The following ZAP70 variants were observed in gnomAD, a reference collection of about 807,000 sequenced individuals.
ZAP70 encodes tyrosine-protein kinase ZAP-70.
ZAP70 carries 27 observed loss-of-function variants against 65.8 expected under a neutral mutation model. The ratio of observed to expected loss-of-function variants is 0.41; its 90% confidence interval spans 0.30 to 0.57. ZAP70 has a LOEUF of 0.57. ZAP70 is among the 20% of genes least tolerant of loss of function. The probability of loss-of-function intolerance (pLI) is 0.28; values close to 1 mark genes in which losing one functional copy is unlikely to be tolerated. For missense variants in ZAP70, 696 were observed against 870.5 expected (o/e 0.80, Z 2.52); for synonymous variants, 363 against 360.8 (o/e 1.01, Z -0.07).
chr2:97,753,283 TTC>T, the ZAP70 span, among the ~76,000 whole-genome samples: 3 of 152,220 alleles, frequency 2.0e-5, no homozygotes, highest in African/African-American at 7.2e-5. Flanking sequence ...TCCCTCTTTC[TTC>T]TCTTACACAA....
intron 2 of ZAP70, among the ~76,000 whole-genome samples, chr2:97,717,411 TGAGCCTCTGGCTGGGGTGACATGTG>T (rs1208522591): frequency 1.5e-5 from 2 of 135,352 alleles, no homozygotes; most frequent in Non-Finnish European, 3.1e-5. Context: ...GCGGAGCCTC[TGAGCCTCTGGCTGGGGTGACATGTG>T]GAGCCTCTGG....
In ZAP70 at chr2:97,739,409, C is replaced by T; in HGVS notation, c.1771C>T (p.Gln591Ter). 6.2e-7 allele frequency: 1 copy of T among 1,613,620 alleles called. No homozygotes were observed. Among genetic ancestry groups the T allele is most frequent in the Non-Finnish European group, 8.5e-7 (1 of 1,179,920 alleles). ...TCGCCCCGACTTCCTGACCGTGGAG[C>T]AGCGCATGCGAGCCTGTTACTACAG... ...EDRPDFLTVE[Q>*]RMRACYYSLA... is the part of the protein sequence containing the mutation. Residue 591 changes from glutamine to a stop codon, truncating the protein, a stop_gained, in exon 14 of 14, where the codon CAG becomes TAG. Transcript: ENST00000264972. LOFTEE classifies it low-confidence loss of function (END_TRUNC).
rs78929477 is a variant in ZAP70 at position 97,719,561 on chromosome 2, G to T, written c.-21-4455G>T. On this transcript the variant is annotated intron_variant, in intron 2 of 13. Transcript: ENST00000264972. ...AGTGCTGGAGAACAGCCTGGGGGGGGGGCGCAGACCAGGTCTGGCTGAGAG... is the reference window on the plus strand; with the variant it reads ...AGTGCTGGAGAACAGCCTGGGGGGGTGGCGCAGACCAGGTCTGGCTGAGAG... 4.6e-4 allele frequency among the ~76,000 whole-genome samples: 69 copies of T among 149,296 alleles called. 1 individual carries two copies. Among genetic ancestry groups the T allele is most frequent in the African/African-American group, 1.4e-3 (58 of 40,738 alleles).
At chr2:97,753,549 G>T in the ZAP70 span, among the ~76,000 whole-genome samples, 1 of 152,112 alleles carries the variant, frequency 6.6e-6, no homozygotes, top group African/African-American at 2.4e-5. Flanking sequence ...TTTTAAATGA[G>T]ATTCTGATCC....
In ZAP70 at chr2:97,731,017, T is replaced by C. The variant is rs1677577903; in HGVS notation, c.564-1866T>C. On this transcript the variant is annotated intron_variant, in intron 4 of 13. Coordinates refer to ENST00000264972, the MANE Select transcript of ZAP70 (RefSeq NM_001079.4). The surrounding 1 kb of genome is among the most constrained non-coding windows in gnomAD (Gnocchi z 4.0). The stretch of plus-strand genomic sequence containing the variant: ...TTGCAGTGAGCCGAGATCACGCCAC[T>C]GCACTCCAGCCCGGGCTGTGGAGCG... Among the ~76,000 whole-genome samples the C allele has an allele frequency of 7.2e-6, 1 of 139,600 alleles. No individual in the cohort carries two copies. The highest frequency in any genetic ancestry group is 1.5e-5 in the Non-Finnish European group (1 of 66,562). The allele number at this position is 139,600 out of a possible 152,430, so 91.6% of individuals were successfully genotyped here.
chr2:97,723,954 G>A, intron 2 of ZAP70, 62 bp from the exon 3 acceptor site: 1 of 1,520,608 alleles, frequency 6.6e-7, no homozygotes, highest in East Asian at 2.5e-5. Context: ...CGCCGTCTTT[G>A]GGCCCAACGC....
chr2:97,725,225 C>T lies in ZAP70; in HGVS notation c.536C>T (p.Ser179Phe). Reference sequence around the variant, plus strand: ...GAGGAGGCCGAGCGCAAACTTTACTCTGGGGCGCAGACCGACGGCAAGTTC... The same window carrying T: ...GAGGAGGCCGAGCGCAAACTTTACTTTGGGGCGCAGACCGACGGCAAGTTC... ...TREEAERKLY[S>F]GAQTDGKFLL... Residue 179 changes from serine to phenylalanine, a missense_variant, in exon 4 of 14, where the codon TCT becomes TTT. This residue lies in a region of ZAP70 where 551 missense variants were observed against 630.0 expected (regional missense o/e 0.87). Coordinates refer to ENST00000264972, the MANE Select transcript of ZAP70 (RefSeq NM_001079.4). 1 of 1,614,044 alleles carries T rather than the reference C, an allele frequency of 6.2e-7. No homozygotes were observed. The highest frequency in any genetic ancestry group is 1.1e-5 in the South Asian group (1 of 91,082).
downstream of ZAP70, among the ~76,000 whole-genome samples, chr2:97,740,945 G>C (rs1230623578): frequency 6.6e-6 from 1 of 152,230 alleles, no homozygotes; most frequent in Non-Finnish European, 1.5e-5. Flanking sequence ...CGCCATCATG[G>C]AGGCTGCGAA....
intron 4 of ZAP70, among the ~76,000 whole-genome samples, chr2:97,726,139 T>A (rs1021980383): frequency 6.6e-6 from 1 of 151,806 alleles, no homozygotes; most frequent in Non-Finnish European, 1.5e-5. Context: ...ATAGGAAAAA[T>A]GCGGTAAATG....
rs748956300 is a variant in ZAP70, at chr2:97,724,390, G to A, written c.354G>A (p.Leu118=). ...CGCAGCCGGGGGTCTTCGACTGCCT[G>A]CGAGACGCCATGGTGCGTGACTACG... ...LEPQPGVFDC[L]RDAMVRDYVR... Residue 118 remains leucine (L), a synonymous_variant, in exon 3 of 14, where the codon CTG becomes CTA. Coordinates refer to ENST00000264972, the MANE Select transcript of ZAP70 (RefSeq NM_001079.4). 2 of 1,538,302 alleles carry A rather than the reference G, an allele frequency of 1.3e-6. No homozygotes were observed. The highest frequency in any genetic ancestry group is 1.8e-6 in the Non-Finnish European group (2 of 1,142,374).
chr2:97,724,601 G>A (rs1010883080), intron 3 of ZAP70, 163 bp downstream of exon 3: 1 of 1,534,094 alleles, frequency 6.5e-7, no homozygotes, highest in Non-Finnish European at 8.7e-7. Flanking sequence ...CTGAAAGGAG[G>A]CCTCAGAGGC....
downstream of ZAP70, among the ~76,000 whole-genome samples, chr2:97,742,492 T>C (rs1254341816): frequency 6.6e-6 from 1 of 152,238 alleles, no homozygotes; most frequent in African/African-American, 2.4e-5. Context: ...GCCAAGGGCG[T>C]AGGCTGCCCT....
chr2:97,714,152 G>A (rs1676817803), intron 2 of ZAP70, among the ~76,000 whole-genome samples, 158 bp downstream of exon 2: 1 of 152,220 alleles, frequency 6.6e-6, no homozygotes, highest in South Asian at 2.1e-4. Flanking sequence ...GGAGATGGAG[G>A]CAGACGGGGC....
intron 13 of ZAP70, chr2:97,738,402 A>T (rs746617638): frequency 4.0e-5 from 19 of 472,900 alleles, no homozygotes; most frequent in Non-Finnish European, 7.1e-5. Context: ...ACAGGTCCAT[A>T]CTCTGCTACT....
the ZAP70 span, among the ~76,000 whole-genome samples, chr2:97,745,431 T>C: frequency 6.6e-6 from 1 of 152,210 alleles, no homozygotes; most frequent in Non-Finnish European, 1.5e-5. Context: ...CTGATAAGGA[T>C]TTAGTGTTTA....
the ZAP70 span, among the ~76,000 whole-genome samples, chr2:97,753,954 C>T: frequency 6.6e-6 from 1 of 152,212 alleles, no homozygotes; most frequent in African/African-American, 2.4e-5. Flanking sequence ...TGTGCCACTG[C>T]ACTTCAGCCT....
downstream of ZAP70, among the ~76,000 whole-genome samples, chr2:97,740,478 A>G (rs1678101095): frequency 6.6e-6 from 1 of 152,226 alleles, no homozygotes; most frequent in Non-Finnish European, 1.5e-5. Flanking sequence ...ATTATGTAAA[A>G]TATATCAGAC....
At chr2:97,721,707 A>G (rs1573257312) in intron 2 of ZAP70, among the ~76,000 whole-genome samples, 1 of 147,672 alleles carries the variant, frequency 6.8e-6, no homozygotes, top group Non-Finnish European at 1.5e-5. Context: ...GCTGGATTAG[A>G]GGCGTGAGCC....
At chr2:97,720,120 T>C (rs1194251727) in intron 2 of ZAP70, among the ~76,000 whole-genome samples, 1 of 152,236 alleles carries the variant, frequency 6.6e-6, no homozygotes, top group Non-Finnish European at 1.5e-5. Context: ...TTTTGGCAAC[T>C]GTGGCTAGTA....
Sources: gnomAD v4.1 joint callset for allele counts (sites outside exome capture counted in the v4.1 genomes callset) on GRCh38, gnomAD v4.1.1 for gene constraint, gnomAD v4.1.1 regional missense constraint, Gnocchi (gnomAD v3.1) non-coding constraint, MANE v1.5 for transcripts, NCBI Gene and HGNC (gene_info 2026-07-23, HGNC 2026-07-21) for gene names.